FBXO9: variants seen among roughly 807,000 people sequenced by gnomAD.
FBXO9 encodes the protein F-box only protein 9.
Under a neutral mutation model 63.7 loss-of-function variants are expected in FBXO9, and 43 were observed. The ratio of observed to expected loss-of-function variants is 0.67; its 90% CI spans 0.53 to 0.87. FBXO9 has a LOEUF of 0.87. Among genes scored for constraint, FBXO9 ranks in the 40% least tolerant of loss-of-function variants. FBXO9 has a pLI of 0.00. For synonymous variants in FBXO9, 156 were observed against 171.7 expected, an observed-to-expected ratio of 0.91 and a Z score of 0.72; for missense variants, 442 against 533.2, an observed-to-expected ratio of 0.83 and a Z score of 1.68.
At chr6:53,076,607 TA>T (rs1769120477) in intron 4 of FBXO9, 64 bp downstream of exon 4, 1 of 1,208,048 alleles carries the variant, frequency 8.3e-7, no homozygotes. Flanking sequence ...TTATTAACCA[TA>T]TTTTTTTTTC....
intron 7 of FBXO9, among the ~76,000 whole-genome samples, chr6:53,087,778 G>C (rs758599475): frequency 7.2e-5 from 11 of 152,216 alleles, no homozygotes; most frequent in Admixed American, 2.6e-4. Context: ...TTAATACTAA[G>C]AGCAAATTAA....
intron 7 of FBXO9, chr6:53,091,353 T>G (rs1763033984): frequency 1.3e-5 from 2 of 152,210 alleles, no homozygotes; most frequent in Admixed American, 1.3e-4. Flanking sequence ...TTAGTACATC[T>G]TTTACTTAGC....
chr6:53,095,051 A>G (rs1763167969), intron 11 of FBXO9, among the ~76,000 whole-genome samples: 1 of 152,172 alleles, frequency 6.6e-6, no homozygotes, highest in African/African-American at 2.4e-5. Flanking sequence ...TTTTACTGTT[A>G]TTGCAAAAGA....
chr6:53,072,869 C>T (rs1371899572), intron 2 of FBXO9, among the ~76,000 whole-genome samples: 3 of 151,842 alleles, frequency 2.0e-5, no homozygotes, highest in East Asian at 3.9e-4. Flanking sequence ...TACAGGTGCC[C>T]GCCACCACAC....
chr6:53,084,779 T>A (rs1017495995), intron 7 of FBXO9, among the ~76,000 whole-genome samples: 2 of 151,428 alleles, frequency 1.3e-5, no homozygotes, highest in South Asian at 4.2e-4. Flanking sequence ...GTATTGCAGT[T>A]TTTTTTTTAA....
intron 7 of FBXO9, among the ~76,000 whole-genome samples, chr6:53,090,682 T>A (rs974710984): frequency 6.6e-6 from 1 of 152,204 alleles, no homozygotes; most frequent in African/African-American, 2.4e-5. Context: ...CATTTACTTA[T>A]TTATGAATGA....
chr6:53,089,105 G>A (rs1581826748), intron 7 of FBXO9, among the ~76,000 whole-genome samples: 1 of 147,732 alleles, frequency 6.8e-6, no homozygotes, highest in East Asian at 2.0e-4. Context: ...GCGGAGTGTC[G>A]CTCTGCCGCC....
At chr6:53,096,856 T>C (rs1210859977) in intron 12 of FBXO9, among the ~76,000 whole-genome samples, 1 of 152,146 alleles carries the variant, frequency 6.6e-6, no homozygotes, top group Non-Finnish European at 1.5e-5. Flanking sequence ...CGGTGAGCTA[T>C]GATCACACCA....
At position 53,100,357 on chromosome 6, in the gene FBXO9, T is replaced by G. The variant is rs933750822; in HGVS notation, c.*2527T>G. The G allele has an allele frequency of 1.3e-5, 2 of 152,206 alleles. No individual in the cohort carries two copies. Among genetic ancestry groups the G allele is most frequent in the African/African-American group, 2.4e-5 (1 of 41,458 alleles). The allele number at this position is 152,206 out of a possible 1,614,324, so 9.4% of individuals were successfully genotyped here. A position where few individuals can be genotyped will look rare whatever the true frequency, so the allele number is the denominator to read the frequency against. On this transcript the variant is annotated 3_prime_UTR_variant, in exon 13 of 13. Transcript: ENST00000323557. ...AGCTGACAGCAGTATCTGGATTAACTTTTTAAAAACAATGAAAGCATTTTA... is the reference window on the plus strand; with the variant it reads ...AGCTGACAGCAGTATCTGGATTAACGTTTTAAAAACAATGAAAGCATTTTA...
chr6:53,082,978 A>C (rs996851712), intron 7 of FBXO9, among the ~76,000 whole-genome samples: 1 of 152,202 alleles, frequency 6.6e-6, no homozygotes, highest in Non-Finnish European at 1.5e-5. Flanking sequence ...TTAAAACAGC[A>C]CTAGCATTTT....
intron 3 of FBXO9, among the ~76,000 whole-genome samples, chr6:53,075,575 G>A (rs760048642): frequency 6.6e-6 from 1 of 150,648 alleles, no homozygotes; most frequent in Non-Finnish European, 1.5e-5. Context: ...ATTCTGATAG[G>A]TATGTAGTGG....
intron 1 of FBXO9, among the ~76,000 whole-genome samples, chr6:53,070,112 A>C (rs1371431758): frequency 7.1e-6 from 1 of 140,278 alleles, no homozygotes; most frequent in Non-Finnish European, 1.5e-5. Flanking sequence ...TCCATCTCTC[A>C]GGCTCAAGCA....
At chr6:53,081,460 A>G (rs1769310898) in intron 6 of FBXO9, among the ~76,000 whole-genome samples, 1 of 152,122 alleles carries the variant, frequency 6.6e-6, no homozygotes, top group South Asian at 2.1e-4. Flanking sequence ...TTCAGTAAAG[A>G]CAGAGTTTCA....
intron 5 of FBXO9, 46 bp downstream of exon 5, chr6:53,078,944 G>A: frequency 7.0e-7 from 1 of 1,426,606 alleles, no homozygotes; most frequent in Non-Finnish European, 9.9e-7. Flanking sequence ...GTTTGTTAAA[G>A]TTAAGCATCT....
At chr6:53,076,417 C>A in intron 3 of FBXO9, 69 bp from the exon 4 acceptor site, 1 of 942,494 alleles carries the variant, frequency 1.1e-6, no homozygotes, top group Non-Finnish European at 1.6e-6. Flanking sequence ...ATTAAAAAGG[C>A]TCTCCTTCTG....
chr6:53,080,308 T>C (rs1482872654), intron 5 of FBXO9, among the ~76,000 whole-genome samples: 1 of 152,004 alleles, frequency 6.6e-6, no homozygotes, highest in African/African-American at 2.4e-5. Flanking sequence ...TTTTTTTTTT[T>C]GTTTTTTTGT....
Position 53,073,514 on chromosome 6 carries a change from T to G in FBXO9, c.124T>G (p.Phe42Val), listed in dbSNP as rs1217225919. The G allele has an allele frequency of 2.5e-6, 4 of 1,613,714 alleles. No homozygotes were observed. Among genetic ancestry groups the G allele is most frequent in the Admixed American group, 3.3e-5 (2 of 59,998 alleles). Reference protein sequence around the residue: ...QLQMFRAQWMFELAPGVSSSN... With the variant: ...QLQMFRAQWMVELAPGVSSSN... ...CCAGATGTTCCGAGCTCAGTGGATG[T>G]TTGAACTTGCTCCAGGTGTAAGCTC... Residue 42 changes from phenylalanine (F) to valine (V), a missense_variant, in exon 3 of 13, where the codon TTT becomes GTT. Coordinates refer to ENST00000323557, the MANE Select transcript of FBXO9 (RefSeq NM_033480.3).
intron 2 of FBXO9, among the ~76,000 whole-genome samples, chr6:53,071,810 T>C (rs1197204443): frequency 6.6e-6 from 1 of 152,210 alleles, no homozygotes; most frequent in African/African-American, 2.4e-5. Flanking sequence ...GCAATTCTAC[T>C]TCCAGGAAAT....
At chr6:53,085,171 G>T (rs568502092) in intron 7 of FBXO9, among the ~76,000 whole-genome samples, 1 of 152,068 alleles carries the variant, frequency 6.6e-6, no homozygotes, top group African/African-American at 2.4e-5. Flanking sequence ...GTCTTCTAAC[G>T]TCATAAAGAC....
Sources: allele counts gnomAD v4.1 joint callset (sites outside exome capture counted in the v4.1 genomes callset), GRCh38; gene constraint gnomAD v4.1.1; transcripts MANE v1.5; gene names NCBI Gene and HGNC (gene_info 2026-07-23, HGNC 2026-07-21).